Variants in GPC5 observed in about 807,000 individuals in gnomAD.
GPC5 encodes glypican 5.
In GPC5, 47 loss-of-function variants were observed where a neutral mutation model predicts 53.9. The ratio of observed to expected loss-of-function variants is 0.87; its 90% CI spans 0.69 to 1.11. The LOEUF (loss-of-function observed/expected upper bound fraction) is 1.11, where lower values mean the gene tolerates loss of function less well. Ranked by LOEUF, GPC5 falls within the 50% of genes most tolerant of loss-of-function variation. GPC5 has a pLI of 0.00. For synonymous variants in GPC5, 286 were observed against 263.3 expected, an observed-to-expected ratio of 1.09 and a Z score of -0.84; for missense variants, 748 against 713.1, an observed-to-expected ratio of 1.05 and a Z score of -0.56.
At chr13:92,601,199 T>C (rs749958981) in intron 7 of GPC5, among the ~76,000 whole-genome samples, 1 of 152,198 alleles carries the variant, frequency 6.6e-6, no homozygotes, top group Non-Finnish European at 1.5e-5. Context: ...TTTCCAATAC[T>C]AAGCTTATTT....
chr13:91,824,216 T>G (rs1366820885), intron 5 of GPC5, among the ~76,000 whole-genome samples: 1 of 151,990 alleles, frequency 6.6e-6, no homozygotes, highest in African/African-American at 2.4e-5. Context: ...AACTAAATTT[T>G]GAAATCAATT....
At chr13:91,715,285 C>G (rs1229157341) in intron 3 of GPC5, among the ~76,000 whole-genome samples, 3 of 152,102 alleles carry the variant, frequency 2.0e-5, no homozygotes. Flanking sequence ...TCTTACTTCA[C>G]CAGGATGTAT....
At chr13:92,652,450 C>T (rs549660209) in intron 7 of GPC5, among the ~76,000 whole-genome samples, 1 of 152,148 alleles carries the variant, frequency 6.6e-6, no homozygotes, top group African/African-American at 2.4e-5. Context: ...ATTTCTACTT[C>T]CTATGTAGAG....
intron 6 of GPC5, among the ~76,000 whole-genome samples, chr13:92,024,093 G>A (rs956587675): frequency 6.6e-6 from 1 of 152,038 alleles, no homozygotes; most frequent in East Asian, 1.9e-4. Flanking sequence ...TGAGGCCCAG[G>A]CCCATAAGCC....
intron 5 of GPC5, among the ~76,000 whole-genome samples, chr13:91,876,677 A>C (rs2039206143): frequency 6.6e-6 from 1 of 152,172 alleles, no homozygotes; most frequent in African/African-American, 2.4e-5. Flanking sequence ...ATGTTTGGAA[A>C]ATTTGCAGCC....
intron 4 of GPC5, among the ~76,000 whole-genome samples, chr13:91,747,000 G>C (rs967320994): frequency 3.9e-5 from 6 of 152,054 alleles, no homozygotes; most frequent in Non-Finnish European, 8.8e-5. Flanking sequence ...TTGTTAGTTT[G>C]CACATAGCAA....
intron 2 of GPC5, among the ~76,000 whole-genome samples, chr13:91,463,142 A>ATTTG (rs1467635659): frequency 6.6e-6 from 1 of 152,058 alleles, no homozygotes; most frequent in African/African-American, 2.4e-5. Context: ...ATGGCATAGT[A>ATTTG]TTTGCATATA....
chr13:92,662,913 C>A (rs1886398656), intron 7 of GPC5, among the ~76,000 whole-genome samples: 1 of 152,116 alleles, frequency 6.6e-6, no homozygotes, highest in Non-Finnish European at 1.5e-5. Context: ...ACCCTGGAGC[C>A]CTTCCTTAAT....
chr13:92,797,958 T>C (rs1876760731), intron 7 of GPC5, among the ~76,000 whole-genome samples: 1 of 151,848 alleles, frequency 6.6e-6, no homozygotes, highest in African/African-American at 2.4e-5. Context: ...GTCTAGAATA[T>C]GGAATGCAAA....
chr13:92,802,992 A>G (rs1011199329), intron 7 of GPC5, among the ~76,000 whole-genome samples: 3 of 151,932 alleles, frequency 2.0e-5, no homozygotes, highest in African/African-American at 7.2e-5. Context: ...CTAATGATTA[A>G]TCCTGCAAAG....
At chr13:92,545,928 G>T (rs1256536368) in intron 7 of GPC5, among the ~76,000 whole-genome samples, 1 of 152,072 alleles carries the variant, frequency 6.6e-6, no homozygotes, top group Non-Finnish European at 1.5e-5. Flanking sequence ...AGTTTAATTA[G>T]ATCCCATTTG....
At chr13:91,763,617 T>C (rs1020907205) in intron 5 of GPC5, among the ~76,000 whole-genome samples, 4 of 152,176 alleles carry the variant, frequency 2.6e-5, no homozygotes, top group African/African-American at 9.7e-5. Context: ...ATTAGACAAA[T>C]CCAGGTATGG....
intron 2 of GPC5, among the ~76,000 whole-genome samples, chr13:91,576,922 T>C (rs1158079063): frequency 7.3e-6 from 1 of 137,148 alleles, no homozygotes; most frequent in African/African-American, 2.9e-5. Flanking sequence ...TAGCTTCTGG[T>C]TCATCTGTAA....
intron 7 of GPC5, among the ~76,000 whole-genome samples, chr13:92,188,563 A>T (rs1450092200): frequency 1.6e-4 from 25 of 152,192 alleles, no homozygotes; most frequent in Admixed American, 1.6e-3. Context: ...TAAAAGTAAG[A>T]CCAGATAAAA....
intron 7 of GPC5, among the ~76,000 whole-genome samples, chr13:92,617,656 T>C (rs183256658): frequency 2.4e-4 from 36 of 152,272 alleles, no homozygotes; most frequent in Admixed American, 2.2e-3. Context: ...ACATATGTTA[T>C]TCACTATTGC....
chr13:92,385,432 A>G (rs2043789902), intron 7 of GPC5, among the ~76,000 whole-genome samples: 1 of 84,798 alleles, frequency 1.2e-5, no homozygotes, highest in Non-Finnish European at 2.4e-5. Flanking sequence ...ATATATACAT[A>G]TATACATATA....
At chr13:91,830,736 A>G (rs1307916693) in intron 5 of GPC5, among the ~76,000 whole-genome samples, 2 of 145,322 alleles carry the variant, frequency 1.4e-5, no homozygotes, top group Admixed American at 7.1e-5. Context: ...ATGTGTATAT[A>G]TGTATATAAA....
intron 6 of GPC5, among the ~76,000 whole-genome samples, chr13:91,969,537 A>T (rs2040221040): frequency 6.6e-6 from 1 of 152,196 alleles, no homozygotes; most frequent in Non-Finnish European, 1.5e-5. Flanking sequence ...TACCAATTTT[A>T]AAAGCTTCTG....
intron 2 of GPC5, among the ~76,000 whole-genome samples, chr13:91,463,992 T>A (rs1017266026): frequency 2.6e-5 from 4 of 152,030 alleles, no homozygotes; most frequent in Non-Finnish European, 5.9e-5. Context: ...AAACTGCATA[T>A]GTGATGAAGT....
Sources: gnomAD v4.1 joint callset for allele counts (sites outside exome capture counted in the v4.1 genomes callset) on GRCh38, gnomAD v4.1.1 for gene constraint, MANE v1.5 for transcripts, NCBI Gene and HGNC (gene_info 2026-07-23, HGNC 2026-07-21) for gene names.